Variants in KMT2C observed in about 807,000 individuals in gnomAD.
KMT2C encodes the protein histone-lysine N-methyltransferase 2C.
KMT2C carries 88 observed loss-of-function variants against 507.9 expected under a neutral mutation model. That is an observed-to-expected ratio of 0.17 (90% confidence interval 0.15 to 0.21). The LOEUF is 0.21. Among genes scored for constraint, KMT2C ranks in the 10% least tolerant of loss-of-function variants. KMT2C has a pLI of 1.00. For synonymous variants in KMT2C, 2,049 were observed against 2,080.8 expected (o/e 0.98, Z 0.42); for missense variants, 4,954 against 5,957.8 (o/e 0.83, Z 5.55).
At chr7:152,428,458 C>CAAAAAAAAAAAAA (rs140697569) in intron 1 of KMT2C, among the ~76,000 whole-genome samples, 5 of 73,516 alleles carry the variant, frequency 6.8e-5, no homozygotes, top group Admixed American at 1.7e-4. Context: ...ACTAAAAATA[C>CAAAAAAAAAAAAA]AAAAAAAAAA....
chr7:152,300,820 G>C (rs1794128714), intron 6 of KMT2C, among the ~76,000 whole-genome samples: 1 of 152,052 alleles, frequency 6.6e-6, no homozygotes, highest in Non-Finnish European at 1.5e-5. Flanking sequence ...AGCACTTTGG[G>C]AGGCTGAGGC....
chr7:152,195,819 C>A (rs941663349), intron 28 of KMT2C, 88 bp downstream of exon 28: 1 of 682,674 alleles, frequency 1.5e-6, no homozygotes, highest in Non-Finnish European at 2.3e-6. Flanking sequence ...TACTGGGAAA[C>A]AGACAAAAGG....
intron 3 of KMT2C, among the ~76,000 whole-genome samples, chr7:152,319,735 C>G (rs568601373): frequency 6.6e-6 from 1 of 152,174 alleles, no homozygotes; most frequent in South Asian, 2.1e-4. Context: ...TCCTGTACAG[C>G]TGGCTCTGCC....
intron 1 of KMT2C, among the ~76,000 whole-genome samples, chr7:152,424,404 G>A (rs575340814): frequency 1.3e-5 from 2 of 152,152 alleles, no homozygotes; most frequent in Admixed American, 1.3e-4. Flanking sequence ...TAGCTAGGTG[G>A]TTCCTCTGTT....
chr7:152,391,040 G>T (rs911143154), intron 1 of KMT2C, among the ~76,000 whole-genome samples: 2 of 148,256 alleles, frequency 1.3e-5, no homozygotes, highest in African/African-American at 2.5e-5. Context: ...AGCTACTTGG[G>T]AGGCTGAGGC....
At chr7:152,221,603 T>TTA (rs2094774500) in intron 22 of KMT2C, among the ~76,000 whole-genome samples, 4 of 152,220 alleles carry the variant, frequency 2.6e-5, no homozygotes, top group Admixed American at 2.6e-4. Context: ...GACTGTTTAA[T>TTA]AAGAATATCA....
chr7:152,190,905 C>A (rs1048095981), intron 31 of KMT2C, among the ~76,000 whole-genome samples: 1 of 152,116 alleles, frequency 6.6e-6, no homozygotes, highest in Non-Finnish European at 1.5e-5. Context: ...CTTAACTGTA[C>A]AACCTGTCTC....
At chr7:152,299,494 A>G (rs2096547391) in intron 6 of KMT2C, among the ~76,000 whole-genome samples, 1 of 151,852 alleles carries the variant, frequency 6.6e-6, no homozygotes, top group Admixed American at 6.6e-5. Context: ...TATATAAAAA[A>G]ATAAAACAAA....
At chr7:152,191,842 T>G (rs894040338) in intron 31 of KMT2C, among the ~76,000 whole-genome samples, 3 of 152,222 alleles carry the variant, frequency 2.0e-5, no homozygotes, top group African/African-American at 7.2e-5. Context: ...TGATCATGCT[T>G]TGCCCTTACA....
chr7:152,271,913 A>C (rs1751740690), intron 7 of KMT2C, among the ~76,000 whole-genome samples: 1 of 152,132 alleles, frequency 6.6e-6, no homozygotes, highest in South Asian at 2.1e-4. Flanking sequence ...GAATCAGATT[A>C]AGGGCTCATA....
At chr7:152,264,624 T>C (rs1386756934) in intron 8 of KMT2C, among the ~76,000 whole-genome samples, 2 of 152,162 alleles carry the variant, frequency 1.3e-5, no homozygotes, top group East Asian at 3.9e-4. Context: ...TCTACTTCTG[T>C]AGTTAGACGT....
intron 8 of KMT2C, among the ~76,000 whole-genome samples, chr7:152,264,429 G>A (rs1337596910): frequency 6.6e-6 from 1 of 152,096 alleles, no homozygotes; most frequent in Non-Finnish European, 1.5e-5. Flanking sequence ...AAATACCATA[G>A]GAAAATATAA....
Position 152,181,885 on chromosome 7 carries a change from T to C in KMT2C, c.5975A>G (p.Glu1992Gly), listed in dbSNP as rs559560139. Residue 1992 changes from glutamate to glycine, a missense_variant, in exon 36 of 59, where the codon GAA (glutamate) becomes GGA (glycine). Glu to Gly is a moderately conservative substitution (Grantham distance 98, BLOSUM62 -2). Transcript: ENST00000262189. ...LGLSRSPVVS[E>G]QTAKGPIAAG... is the part of the protein sequence containing the mutation. Reference sequence around the variant, plus strand: ...TGCTATAGGGCCTTTTGCAGTTTGTTCTGAAACTACAGGAGACCGGGATAG... The same window carrying C: ...TGCTATAGGGCCTTTTGCAGTTTGTCCTGAAACTACAGGAGACCGGGATAG... 1 of 1,614,184 alleles carries C rather than the reference T, an allele frequency of 6.2e-7. No individual in the cohort carries two copies. The highest frequency in any genetic ancestry group is 1.3e-5 in the African/African-American group (1 of 75,042).
chr7:152,234,154 G>A (rs2360907), intron 16 of KMT2C, among the ~76,000 whole-genome samples: 2 of 151,862 alleles, frequency 1.3e-5, no homozygotes, highest in East Asian at 1.9e-4. Context: ...TTGGGAGGCC[G>A]AGGCAGGTGG....
In KMT2C at chr7:152,182,459, T is replaced by C. The variant is rs1417109931; in HGVS notation, c.5401A>G (p.Thr1801Ala). ...QHLLVQSGSD[T>A]PSSGIQSPLT... Reference sequence around the variant, plus strand: ...GGACTCTGTATCCCACTACTTGGTGTATCTGAACCAGACTGCACCAGAAGA... The same window carrying C: ...GGACTCTGTATCCCACTACTTGGTGCATCTGAACCAGACTGCACCAGAAGA... Residue 1801 changes from threonine to alanine, a missense_variant, in exon 36 of 59, where the codon ACA becomes GCA. By Grantham distance (58) the Thr-to-Ala change is moderately conservative. This residue lies in a region of KMT2C where 1,689 missense variants were observed against 1,654.3 expected (regional missense o/e 1.02). Coordinates refer to ENST00000262189, the MANE Select transcript of KMT2C (RefSeq NM_170606.3). 5 of 1,614,022 alleles carry C rather than the reference T, an allele frequency of 3.1e-6. No homozygotes were observed. Among genetic ancestry groups the C allele is most frequent in the African/African-American group, 1.3e-5 (1 of 74,944 alleles).
intron 2 of KMT2C, among the ~76,000 whole-genome samples, chr7:152,346,927 A>G (rs2097064432): frequency 6.6e-6 from 1 of 151,926 alleles, no homozygotes; most frequent in Non-Finnish European, 1.5e-5. Flanking sequence ...GAGATAAGAG[A>G]CCATCCTGGC....
intron 37 of KMT2C, among the ~76,000 whole-genome samples, chr7:152,178,349 GTTTCT>G (rs1158126260): frequency 5.3e-5 from 8 of 152,086 alleles, no homozygotes; most frequent in African/African-American, 1.7e-4. Context: ...TTCAGGAAGA[GTTTCT>G]TTTATCTATA....
At chr7:152,368,016 T>C (rs1371831123) in intron 1 of KMT2C, 8 of 851,158 alleles carry the variant, frequency 9.4e-6, no homozygotes, top group African/African-American at 6.8e-5. Context: ...AATTAAGATA[T>C]ATGATTTTCC....
At chr7:152,260,872 A>C (rs116092130) in intron 9 of KMT2C, among the ~76,000 whole-genome samples, 1 of 152,128 alleles carries the variant, frequency 6.6e-6, no homozygotes, top group Admixed American at 6.5e-5. Context: ...AATCAAACAG[A>C]GAAAAGGGGA....
Sources: gnomAD v4.1 joint callset for allele counts (sites outside exome capture counted in the v4.1 genomes callset) on GRCh38, gnomAD v4.1.1 for gene constraint, gnomAD v4.1.1 regional missense constraint, MANE v1.5 for transcripts, NCBI Gene and HGNC (gene_info 2026-07-23, HGNC 2026-07-21) for gene names.